The following BANK1 variants were observed in gnomAD, a reference collection of about 807,000 sequenced individuals.
BANK1 encodes B-cell scaffold protein with ankyrin repeats.
In BANK1, 95 loss-of-function variants were observed where a neutral mutation model predicts 94.5. That is an observed-to-expected ratio of 1.00 (90% confidence interval 0.85 to 1.19). BANK1 has a LOEUF of 1.19. BANK1 is among the 50% of genes most tolerant of loss of function. The probability of loss-of-function intolerance (pLI) is 0.00; values close to 1 mark genes in which losing one functional copy is unlikely to be tolerated. For synonymous variants in BANK1, 334 were observed against 308.4 expected, an observed-to-expected ratio of 1.08 and a Z score of -0.87; for missense variants, 987 against 932.2, an observed-to-expected ratio of 1.06 and a Z score of -0.77.
intron 7 of BANK1, among the ~76,000 whole-genome samples, chr4:102,014,171 A>C (rs1485269238): frequency 6.6e-6 from 1 of 152,138 alleles, no homozygotes; most frequent in African/African-American, 2.4e-5. Flanking sequence ...TATGATTATC[A>C]TCATTATCAT....
intron 1 of BANK1, among the ~76,000 whole-genome samples, chr4:101,829,112 T>C (rs1426162329): frequency 6.6e-6 from 1 of 152,138 alleles, no homozygotes; most frequent in African/African-American, 2.4e-5. Flanking sequence ...TCAGCCCGCC[T>C]CAGCCTCCCA....
At chr4:101,953,749 TA>T (rs1251630223) in intron 7 of BANK1, among the ~76,000 whole-genome samples, 2 of 152,128 alleles carry the variant, frequency 1.3e-5, no homozygotes, top group East Asian at 1.9e-4. Flanking sequence ...ATATTTTAAC[TA>T]AAACCCCACT....
At chr4:101,978,549 A>T (rs1223739727) in intron 7 of BANK1, among the ~76,000 whole-genome samples, 1 of 152,128 alleles carries the variant, frequency 6.6e-6, no homozygotes, top group African/African-American at 2.4e-5. Context: ...CTTAATACGT[A>T]CATTTAGCTC....
intron 4 of BANK1, among the ~76,000 whole-genome samples, chr4:101,864,465 C>T (rs1444292834): frequency 6.6e-6 from 1 of 152,150 alleles, no homozygotes; most frequent in Non-Finnish European, 1.5e-5. Context: ...ATGGTTTTAG[C>T]TCGAACAGTA....
intron 7 of BANK1, among the ~76,000 whole-genome samples, chr4:102,020,743 G>T (rs999559436): frequency 1.3e-5 from 2 of 152,096 alleles, no homozygotes; most frequent in Non-Finnish European, 2.9e-5. Flanking sequence ...GAACAGAAAC[G>T]TAAGTCATTT....
rs762598349 is a variant in BANK1 at position 102,034,337 on chromosome 4, A to C, written c.1900+4072A>C. On this transcript the variant is annotated intron_variant, in intron 10 of 16. Coordinates refer to ENST00000322953, the MANE Select transcript of BANK1 (RefSeq NM_017935.5). ...GGCTTTGCAGAAAGACTTGTGTCCA[A>C]ATTTAGCTGATATTACCCAAGCAAG... is the stretch of plus-strand genomic sequence containing the variant. 5.9e-5 allele frequency among the ~76,000 whole-genome samples: 9 copies of C among 152,184 alleles called. 1 individual carries two copies. The highest frequency in any genetic ancestry group is 1.0e-4 in the Non-Finnish European group (7 of 68,020).
At chr4:101,910,404 G>T (rs1300667984) in intron 6 of BANK1, among the ~76,000 whole-genome samples, 1 of 151,850 alleles carries the variant, frequency 6.6e-6, no homozygotes, top group South Asian at 2.1e-4. Context: ...TGCAGAGGCT[G>T]TGTGTGATGG....
At chr4:102,067,050 G>T (rs1728618129) in intron 13 of BANK1, among the ~76,000 whole-genome samples, 1 of 151,966 alleles carries the variant, frequency 6.6e-6, no homozygotes, top group African/African-American at 2.4e-5. Flanking sequence ...CAACTATAAG[G>T]CATGAAGTAC....
At position 101,803,720 on chromosome 4, in the gene BANK1, G is replaced by A. The variant is rs577219407; in HGVS notation, c.70+12770G>A. On this transcript the variant is annotated intron_variant, in intron 1 of 16. Transcript: ENST00000322953. The stretch of plus-strand genomic sequence containing the variant: ...TAGCCTAGAAATATATAAAAAGGCC[G>A]GGCGCGGTGGCTCACGCCTGTAATC... Among the ~76,000 whole-genome samples, 244 of 152,076 alleles carry A rather than the reference G, an allele frequency of 1.6e-3. 1 individual carries two copies. Among genetic ancestry groups the A allele is most frequent in the African/African-American group, 5.5e-3 (229 of 41,492 alleles).
Position 101,918,126 on chromosome 4 carries a change from C to T in BANK1, c.1143C>T (p.Asp381=). The T allele has an allele frequency of 1.2e-5, 20 of 1,609,790 alleles. No individual in the cohort carries two copies. Among genetic ancestry groups the T allele is most frequent in the Non-Finnish European group, 1.7e-5 (20 of 1,177,358 alleles). Residue 381 remains aspartate (D), a synonymous_variant, in exon 7 of 17, where the codon GAC becomes GAT. Transcript: ENST00000322953. ...ASKMKNMEGS[D]PAHIAERHGH... Reference sequence around the variant, plus strand: ...AGATGAAAAATATGGAGGGTTCAGACCCCGCACATATTGCTGAAAGGCATG... The same window carrying T: ...AGATGAAAAATATGGAGGGTTCAGATCCCGCACATATTGCTGAAAGGCATG...
At chr4:101,840,364 A>AT (rs910590041) in intron 2 of BANK1, among the ~76,000 whole-genome samples, 16 of 152,166 alleles carry the variant, frequency 1.1e-4, no homozygotes, top group Non-Finnish European at 2.9e-5. Flanking sequence ...AAAAAAATAT[A>AT]TTTTTGTTGG....
At position 101,817,846 on chromosome 4, in the gene BANK1, A is replaced by AT. The variant is rs568970149; in HGVS notation, c.71-11953dup. ...CATTATGAGATTTTTTTTTTTTGCAATTTTTTTTTAGCTCATCAGCTGTCA... is the reference window on the plus strand; with the variant it reads ...CATTATGAGATTTTTTTTTTTTGCAATTTTTTTTTTAGCTCATCAGCTGTCA... On this transcript the variant is annotated intron_variant, in intron 1 of 16. Coordinates refer to ENST00000322953, the MANE Select transcript of BANK1 (RefSeq NM_017935.5). Among the ~76,000 whole-genome samples the AT allele has an allele frequency of 5.9e-3, 890 of 149,894 alleles. 15 individuals are homozygous for AT. Among genetic ancestry groups the AT allele is most frequent in the African/African-American group, 0.021 (839 of 40,874 alleles).
rs144632410 is a variant in BANK1, at chr4:101,929,526, G to C, written c.1206+11337G>C. ...TTTTCTCTCTTTTCTACTGTATATG[G>C]CTTTCAAAACGAATGTAGGAAACAA... On this transcript the variant is annotated intron_variant, in intron 7 of 16. Coordinates refer to ENST00000322953, the MANE Select transcript of BANK1 (RefSeq NM_017935.5). Among the ~76,000 whole-genome samples the C allele has an allele frequency of 4.1e-3, 625 of 151,394 alleles. 3 individuals are homozygous for C. The highest frequency in any genetic ancestry group is 0.014 in the African/African-American group (566 of 41,354).
At chr4:102,002,585 A>G (rs1315346903) in intron 7 of BANK1, among the ~76,000 whole-genome samples, 2 of 151,438 alleles carry the variant, frequency 1.3e-5, no homozygotes, top group African/African-American at 4.9e-5. Context: ...ACACACACAC[A>G]CACATATATA....
intron 7 of BANK1, among the ~76,000 whole-genome samples, chr4:101,922,086 T>A (rs1560634353): frequency 6.6e-6 from 1 of 151,146 alleles, no homozygotes; most frequent in African/African-American, 2.4e-5. Flanking sequence ...CCCTCCAGTA[T>A]CTGACTGACA....
chr4:102,009,088 A>G (rs1320604698), intron 7 of BANK1, among the ~76,000 whole-genome samples: 1 of 152,200 alleles, frequency 6.6e-6, no homozygotes. Flanking sequence ...TGTGTTGCCC[A>G]TCTCTTCTTT....
chr4:101,949,580 T>G (rs551142362), intron 7 of BANK1, among the ~76,000 whole-genome samples: 40 of 152,256 alleles, frequency 2.6e-4, no homozygotes, highest in African/African-American at 9.4e-4. Flanking sequence ...AAGTTTTCAA[T>G]AAAACTATTA....
intron 7 of BANK1, among the ~76,000 whole-genome samples, chr4:102,002,556 C>T (rs7441285): frequency 0.18 from 4,578 of 24,946 alleles, 90 homozygotes; most frequent in Non-Finnish European, 0.23. Context: ...CACACACACA[C>T]ACACACACAC....
chr4:101,915,583 CTTAT>C (rs982346477), intron 6 of BANK1, among the ~76,000 whole-genome samples: 2 of 151,856 alleles, frequency 1.3e-5, no homozygotes, highest in African/African-American at 4.8e-5. Flanking sequence ...AATTTTTTCT[CTTAT>C]TTAAGAGAAT....
Sources: gnomAD v4.1 joint callset for allele counts (sites outside exome capture counted in the v4.1 genomes callset) on GRCh38, gnomAD v4.1.1 for gene constraint, MANE v1.5 for transcripts, NCBI Gene and HGNC (gene_info 2026-07-23, HGNC 2026-07-21) for gene names.